DCAF8L2: variants seen among roughly 807,000 people sequenced by gnomAD.
The protein encoded by DCAF8L2 is DDB1- and CUL4-associated factor 8-like protein 2.
For missense variants in DCAF8L2, 430 were observed against 490.7 expected, an observed-to-expected ratio of 0.88 and a Z score of 1.17; for synonymous variants, 200 against 190.9, an observed-to-expected ratio of 1.05 and a Z score of -0.39.
intron 2 of DCAF8L2, among the ~76,000 whole-genome samples, chrX:27,665,215 T>C (rs1348740186): frequency 2.7e-5 from 3 of 110,561 alleles, no homozygotes; most frequent in Non-Finnish European, 3.8e-5. Flanking sequence ...TTTAAAAATA[T>C]CAATATTACC....
At chrX:27,556,548 C>T in the DCAF8L2 span, among the ~76,000 whole-genome samples, 5 of 111,916 alleles carry the variant, frequency 4.5e-5, no homozygotes, top group African/African-American at 1.3e-4. Flanking sequence ...TTATGATTCT[C>T]ACTCATGCAG....
the DCAF8L2 span, among the ~76,000 whole-genome samples, chrX:27,481,562 C>A: frequency 3.2e-4 from 35 of 110,531 alleles, no homozygotes; most frequent in Non-Finnish European, 6.0e-4. Flanking sequence ...GTATAATAGC[C>A]AAAAGGCTAT....
At chrX:27,695,519 G>A (rs1220402562) in intron 3 of DCAF8L2, among the ~76,000 whole-genome samples, 1 of 111,615 alleles carries the variant, frequency 9.0e-6, no homozygotes, top group Non-Finnish European at 1.9e-5. Flanking sequence ...CTCATTACAT[G>A]GGTATCTTTG....
the DCAF8L2 span, among the ~76,000 whole-genome samples, chrX:27,563,639 C>T: frequency 2.7e-5 from 3 of 112,030 alleles, no homozygotes; most frequent in Admixed American, 9.5e-5. Context: ...GAACCTATGT[C>T]AATTTAAGCA....
chrX:27,517,919 G>A, the DCAF8L2 span: 1 of 1,187,813 alleles, frequency 8.4e-7, no homozygotes, highest in Non-Finnish European at 1.1e-6. Context: ...TTGACCAGAT[G>A]GTGAAAACAG....
intron 1 of DCAF8L2, among the ~76,000 whole-genome samples, chrX:27,593,745 A>G (rs1232324389): frequency 8.9e-6 from 1 of 112,291 alleles, no homozygotes; most frequent in Non-Finnish European, 1.9e-5. Context: ...CCTCAGGGCC[A>G]AGGTGCTGTG....
chrX:27,475,463 C>T, the DCAF8L2 span, among the ~76,000 whole-genome samples: 1 of 111,574 alleles, frequency 9.0e-6, no homozygotes, highest in Admixed American at 9.6e-5. Flanking sequence ...ACATTCTTCC[C>T]CCATGAAGGT....
At chrX:27,622,489 T>A (rs888423867) in intron 1 of DCAF8L2, among the ~76,000 whole-genome samples, 2 of 111,018 alleles carry the variant, frequency 1.8e-5, no homozygotes, top group Non-Finnish European at 3.8e-5. Flanking sequence ...ACATGTAATA[T>A]CTCAAATTGG....
chrX:27,694,571 C>T (rs1231246800), intron 3 of DCAF8L2, among the ~76,000 whole-genome samples: 1 of 110,621 alleles, frequency 9.0e-6, no homozygotes, highest in Non-Finnish European at 1.9e-5. Context: ...ACTGTTGCTT[C>T]TTTAAAACAT....
At chrX:27,533,184 A>AGAGAGAG in the DCAF8L2 span, among the ~76,000 whole-genome samples, 4 of 19,919 alleles carry the variant, frequency 2.0e-4, no homozygotes, top group Admixed American at 1.4e-3. Context: ...GAAAGAAAGA[A>AGAGAGAG]AGAAAGAAAG....
the DCAF8L2 span, among the ~76,000 whole-genome samples, chrX:27,560,244 G>C: frequency 2.0e-5 from 2 of 98,607 alleles, no homozygotes; most frequent in Non-Finnish European, 4.1e-5. Context: ...TCCAGCCTGG[G>C]CGACAGAGCA....
At chrX:27,697,663 C>G (rs1273869665) in intron 3 of DCAF8L2, among the ~76,000 whole-genome samples, 1 of 110,935 alleles carries the variant, frequency 9.0e-6, no homozygotes, top group Non-Finnish European at 1.9e-5. Context: ...TGTTTAATGT[C>G]TAAAAAAGAG....
At chrX:27,509,090 G>GT in the DCAF8L2 span, among the ~76,000 whole-genome samples, 1 of 111,785 alleles carries the variant, frequency 8.9e-6, no homozygotes, top group African/African-American at 3.2e-5. Context: ...AATAGTTCAA[G>GT]TGGTTTTTTT....
intron 2 of DCAF8L2, among the ~76,000 whole-genome samples, chrX:27,642,515 A>G (rs2147188042): frequency 9.0e-6 from 1 of 111,108 alleles, no homozygotes; most frequent in East Asian, 2.8e-4. Flanking sequence ...TGATAAGAAC[A>G]CAGATGAAGA....
chrX:27,549,737 G>A, the DCAF8L2 span, among the ~76,000 whole-genome samples: 1 of 111,331 alleles, frequency 9.0e-6, no homozygotes, highest in African/African-American at 3.3e-5. Flanking sequence ...TGATTGTAAT[G>A]GCTGCTGTCA....
the DCAF8L2 span, among the ~76,000 whole-genome samples, chrX:27,564,423 G>A: frequency 9.0e-6 from 1 of 111,257 alleles, no homozygotes; most frequent in African/African-American, 3.3e-5. Context: ...GAATTTCAGT[G>A]AATTGAAAGG....
chrX:27,745,540 C>T (rs752594183), intron 4 of DCAF8L2, among the ~76,000 whole-genome samples: 2 of 112,019 alleles, frequency 1.8e-5, no homozygotes, highest in East Asian at 2.8e-4. Context: ...CAGTTTGCTG[C>T]GCTAGACTTT....
intron 4 of DCAF8L2, among the ~76,000 whole-genome samples, chrX:27,724,900 C>T (rs1376590352): frequency 9.0e-6 from 1 of 110,619 alleles, no homozygotes; most frequent in Non-Finnish European, 1.9e-5. Context: ...AGAAGAACTA[C>T]CTATATGACA....
chrX:27,629,349 T>A (rs1928188472), intron 1 of DCAF8L2, among the ~76,000 whole-genome samples: 1 of 111,960 alleles, frequency 8.9e-6, no homozygotes, highest in African/African-American at 3.2e-5. Flanking sequence ...GCCCTTACAT[T>A]TCAGTATTTC....
Sources: gnomAD v4.1 joint callset for allele counts (sites outside exome capture counted in the v4.1 genomes callset) on GRCh38, gnomAD v4.1.1 for gene constraint, MANE v1.5 for transcripts, NCBI Gene and HGNC (gene_info 2026-07-23, HGNC 2026-07-21) for gene names.